TRAPPC13: variants seen among roughly 807,000 people sequenced by gnomAD.
TRAPPC13 encodes trafficking protein particle complex subunit 13, also known as REV7-interacting novel NHEJ regulator 1.
A neutral mutation model predicts 54.0 loss-of-function variants in TRAPPC13; 39 were observed. The observed-to-expected ratio is 0.72, with a 90% CI of 0.56 to 0.94. TRAPPC13 has a LOEUF of 0.94. TRAPPC13 is among the 40% of genes least tolerant of loss of function. TRAPPC13 has a pLI of 0.00. For synonymous variants in TRAPPC13, 148 were observed against 167.7 expected (o/e 0.88, Z 0.91); for missense variants, 386 against 488.1 (o/e 0.79, Z 1.97).
chr5:65,632,240 G>C (rs1385790968), intron 1 of TRAPPC13, among the ~76,000 whole-genome samples: 1 of 152,040 alleles, frequency 6.6e-6, no homozygotes, highest in African/African-American at 2.4e-5. Flanking sequence ...GTCCAACCTG[G>C]GTAACAAAAT....
intron 11 of TRAPPC13, 46 bp from the exon 12 acceptor site, chr5:65,664,191 G>A (rs1417652254): frequency 1.3e-6 from 2 of 1,574,766 alleles, no homozygotes; most frequent in Admixed American, 1.8e-5. Flanking sequence ...GTACCTCTTT[G>A]TGAAATGAAC....
At chr5:65,651,090 G>A (rs1756413588) in intron 6 of TRAPPC13, among the ~76,000 whole-genome samples, 1 of 152,122 alleles carries the variant, frequency 6.6e-6, no homozygotes, top group Non-Finnish European at 1.5e-5. Flanking sequence ...ACATGTTTTT[G>A]TAATGAAACT....
At chr5:65,659,424 A>T (rs1756768644) in intron 9 of TRAPPC13, among the ~76,000 whole-genome samples, 1 of 152,198 alleles carries the variant, frequency 6.6e-6, no homozygotes. Context: ...TTGGTCTTTT[A>T]AGTCTCATAA....
chr5:65,635,082 C>A, intron 1 of TRAPPC13: 2 of 513,178 alleles, frequency 3.9e-6, no homozygotes, highest in Non-Finnish European at 5.0e-6. Flanking sequence ...TTTTATAATT[C>A]ATAGGTTGTA....
At chr5:65,642,058 C>T (rs1468037321) in intron 4 of TRAPPC13, among the ~76,000 whole-genome samples, 4 of 152,140 alleles carry the variant, frequency 2.6e-5, no homozygotes, top group African/African-American at 4.8e-5. Context: ...TGCAGTGGCT[C>T]ACGCCTGTAA....
chr5:65,639,256 C>T (rs1465271161), intron 4 of TRAPPC13, among the ~76,000 whole-genome samples: 1 of 151,948 alleles, frequency 6.6e-6, no homozygotes, highest in Non-Finnish European at 1.5e-5. Context: ...GACACAGAGT[C>T]AAACCATATC....
rs181341837 is a variant in TRAPPC13, at chr5:65,643,981, A to G, written c.301-3074A>G. 1.1e-3 allele frequency among the ~76,000 whole-genome samples: 161 copies of G among 152,262 alleles called. 2 individuals are homozygous for G. The highest frequency in any genetic ancestry group is 3.7e-3 in the African/African-American group (153 of 41,554). ...ACAATATTCTCTGAGCCCTTGTTCAAAGATGTTTTTCAATACTTCAAGTTT... is the reference window on the plus strand; with the variant it reads ...ACAATATTCTCTGAGCCCTTGTTCAGAGATGTTTTTCAATACTTCAAGTTT... On this transcript the variant is annotated intron_variant, in intron 4 of 12. Transcript: ENST00000399438.
At chr5:65,630,158 AT>A in intron 1 of TRAPPC13, 1 of 1,536,052 alleles carries the variant, frequency 6.5e-7, no homozygotes, top group Non-Finnish European at 8.7e-7. Context: ...ACTCAATCAA[AT>A]TATTAGGCAC....
chr5:65,651,842 G>GTTTTTTTTTTTTTTTTTTTTTTT (rs762929434), intron 6 of TRAPPC13, among the ~76,000 whole-genome samples: 1 of 41,136 alleles, frequency 2.4e-5, no homozygotes, highest in Non-Finnish European at 4.3e-5. Flanking sequence ...ACGTGATTCA[G>GTTTTTTTTTTTTTTTTTTTTTTT]TTTTTTTTTT....
chr5:65,651,266 T>G (rs937930499), intron 6 of TRAPPC13, among the ~76,000 whole-genome samples: 5 of 152,066 alleles, frequency 3.3e-5, no homozygotes, highest in Non-Finnish European at 7.4e-5. Flanking sequence ...CCTATAATCC[T>G]AGCTCGTTGG....
chr5:65,658,900 A>G (rs1044718331), intron 9 of TRAPPC13, among the ~76,000 whole-genome samples: 1 of 151,780 alleles, frequency 6.6e-6, no homozygotes, highest in African/African-American at 2.4e-5. Flanking sequence ...TTTTATTTTT[A>G]GTAGAGATGG....
intron 1 of TRAPPC13, among the ~76,000 whole-genome samples, chr5:65,633,756 A>G (rs1264261482): frequency 2.0e-5 from 3 of 152,008 alleles, no homozygotes; most frequent in African/African-American, 7.2e-5. Context: ...ATTAGACTAT[A>G]ATAAATATTC....
chr5:65,650,682 C>T, intron 5 of TRAPPC13, 128 bp from the exon 6 acceptor site: 1 of 665,852 alleles, frequency 1.5e-6, no homozygotes, highest in Non-Finnish European at 2.6e-6. Context: ...TTTTCCCCTG[C>T]TCTAATCTCA....
chr5:65,660,921 G>T, intron 10 of TRAPPC13, 24 bp downstream of exon 10: 1 of 1,583,490 alleles, frequency 6.3e-7, no homozygotes, highest in South Asian at 1.2e-5. Context: ...AAACTTCGCT[G>T]GGGTTTTGGT....
At position 65,636,014 on chromosome 5, in the gene TRAPPC13, A is replaced by G. The variant is rs1484884048; in HGVS notation, c.186A>G (p.Gly62=). ...ATGGTGCAGAAGTTTTAATGTTGGGAGAAATGCTGACTTTACCACAGAATT... is the reference window on the plus strand; with the variant it reads ...ATGGTGCAGAAGTTTTAATGTTGGGGGAAATGCTGACTTTACCACAGAATT... ...TVNGAEVLML[G]EMLTLPQNFG... Residue 62 remains glycine (G), a synonymous_variant, in exon 3 of 13, where the codon GGA becomes GGG. Coordinates refer to ENST00000399438, the MANE Select transcript of TRAPPC13 (RefSeq NM_024941.4). 2 of 1,598,956 alleles carry G rather than the reference A, an allele frequency of 1.3e-6. No individual in the cohort carries two copies. The highest frequency in any genetic ancestry group is 4.5e-5 in the East Asian group (2 of 44,654).
At position 65,664,771 on chromosome 5, in the gene TRAPPC13, A is replaced by G. The variant is rs777886448; in HGVS notation, c.*160A>G. 1.9e-4 allele frequency: 118 copies of G among 617,876 alleles called. No individual in the cohort carries two copies. The highest frequency in any genetic ancestry group is 2.9e-4 in the Non-Finnish European group (104 of 353,018). 38.3% of individuals were successfully genotyped at this position (617,876 alleles called of 1,614,324 possible). A position where few individuals can be genotyped will look rare whatever the true frequency, so the allele number is the denominator to read the frequency against. The stretch of plus-strand genomic sequence containing the variant: ...TAAATATTTGTTTTGAAGAGATCTG[A>G]TTTTATCTTGTAATTTATATTTGAA... On this transcript the variant is annotated 3_prime_UTR_variant, in exon 13 of 13. Transcript: ENST00000399438.
chr5:65,642,245 C>T (rs943820182), intron 4 of TRAPPC13, among the ~76,000 whole-genome samples: 49 of 152,196 alleles, frequency 3.2e-4, no homozygotes, highest in African/African-American at 1.1e-3. Context: ...ATCGCTTGAA[C>T]TTAGGAGGCG....
chr5:65,632,148 G>A (rs1360324247), intron 1 of TRAPPC13, among the ~76,000 whole-genome samples: 2 of 152,024 alleles, frequency 1.3e-5, no homozygotes, highest in Non-Finnish European at 2.9e-5. Context: ...TGGTGGGCGG[G>A]GGTAGGGGGT....
At chr5:65,662,197 T>C (rs1388120377) in intron 11 of TRAPPC13, 47 bp downstream of exon 11, 1 of 1,319,458 alleles carries the variant, frequency 7.6e-7, no homozygotes, top group Non-Finnish European at 1.0e-6. Flanking sequence ...CTCACCTGCC[T>C]AGAAGATAAT....
Sources: gnomAD v4.1 joint callset for allele counts (sites outside exome capture counted in the v4.1 genomes callset) on GRCh38, gnomAD v4.1.1 for gene constraint, MANE v1.5 for transcripts, NCBI Gene and HGNC (gene_info 2026-07-23, HGNC 2026-07-21) for gene names.